CDH12: variants seen among roughly 807,000 people sequenced by gnomAD.
The protein encoded by CDH12 is cadherin-12.
In CDH12, 41 loss-of-function variants were observed where a neutral mutation model predicts 74.1. The observed-to-expected ratio is 0.55, with a 90% CI of 0.43 to 0.72. The LOEUF (loss-of-function observed/expected upper bound fraction) is 0.72, where lower values mean the gene tolerates loss of function less well. Among genes scored for constraint, CDH12 ranks in the 30% least tolerant of loss-of-function variants. The pLI is 0.00. For missense variants in CDH12, 945 were observed against 977.2 expected (o/e 0.97, Z 0.44); for synonymous variants, 399 against 355.0 (o/e 1.12, Z -1.39).
chr5:22,643,761 CCA>C (rs1739285573), intron 1 of CDH12, among the ~76,000 whole-genome samples: 1 of 58,450 alleles, frequency 1.7e-5, no homozygotes. Flanking sequence ...TTTTTTTTTT[CCA>C]CAAATTGATG....
intron 2 of CDH12, among the ~76,000 whole-genome samples, chr5:22,501,444 T>C (rs1312931411): frequency 6.6e-6 from 1 of 152,150 alleles, no homozygotes; most frequent in Non-Finnish European, 1.5e-5. Flanking sequence ...AACTCTTTCG[T>C]CTGAATTAAA....
rs148066183 is a variant in CDH12 at position 22,444,744 on chromosome 5, T to C, written c.-427-39393A>G. ...GAAACACATTACTGAAAATAAATTA[T>C]ATGGAGGAATATTTCAGATGATGAT... On this transcript the variant is annotated intron_variant, in intron 2 of 14. Coordinates refer to ENST00000382254, the MANE Select transcript of CDH12 (RefSeq NM_004061.5). Among the ~76,000 whole-genome samples the C allele has an allele frequency of 5.9e-5, 9 of 152,140 alleles. No homozygotes were observed. The East Asian group carries it at 1.5e-3, about 26-fold the overall frequency.
chr5:22,836,860 C>T (rs1736850264), intron 1 of CDH12, among the ~76,000 whole-genome samples: 2 of 152,170 alleles, frequency 1.3e-5, no homozygotes, highest in Non-Finnish European at 2.9e-5. Context: ...ATCCAGAACT[C>T]CTGCTTTCAT....
intron 1 of CDH12, among the ~76,000 whole-genome samples, chr5:22,707,453 A>C (rs1296303783): frequency 6.6e-6 from 1 of 152,128 alleles, no homozygotes. Context: ...ATGTCTACTG[A>C]CTTTCATCTA....
intron 2 of CDH12, among the ~76,000 whole-genome samples, chr5:22,446,049 G>C (rs1744803974): frequency 6.6e-6 from 1 of 152,014 alleles, no homozygotes; most frequent in Non-Finnish European, 1.5e-5. Context: ...TCTTAGTTTT[G>C]AGAAATGCTG....
In CDH12 at chr5:21,942,628, GTA is replaced by G. The variant is rs567512868; in HGVS notation, c.526+32461_526+32462del. ...TACACATGCAGAAATGTATATCTGTGTATGTGTGTGTGTTTATATATGAGTAT... is the reference window on the plus strand; with the variant it reads ...TACACATGCAGAAATGTATATCTGTGTGTGTGTGTGTTTATATATGAGTAT... On this transcript the variant is annotated intron_variant, in intron 6 of 14. Coordinates refer to ENST00000382254, the MANE Select transcript of CDH12 (RefSeq NM_004061.5). Among the ~76,000 whole-genome samples the G allele has an allele frequency of 5.3e-3, 808 of 151,908 alleles. 11 individuals are homozygous for G. The highest frequency in any genetic ancestry group is 0.016 in the African/African-American group (679 of 41,384).
At position 22,078,685 on chromosome 5, in the gene CDH12, G is replaced by T. The variant is rs201028667; in HGVS notation, c.-9C>A. The T allele has an allele frequency of 1.9e-5, 30 of 1,612,950 alleles. No individual in the cohort carries two copies. The highest frequency in any genetic ancestry group is 2.4e-5 in the Non-Finnish European group (28 of 1,179,324). On this transcript the variant is annotated 5_prime_UTR_variant, in exon 5 of 15. Transcript: ENST00000382254. ...CAGTTCCTTGTAAGCATTGGCAAAG[G>T]CTTTCCTACAGCAGAGTAATAAAAA... is the stretch of plus-strand genomic sequence containing the variant.
intron 1 of CDH12, among the ~76,000 whole-genome samples, chr5:22,649,562 T>C (rs1580850492): frequency 6.6e-6 from 1 of 152,016 alleles, no homozygotes; most frequent in Non-Finnish European, 1.5e-5. Context: ...AAACATAGGA[T>C]TTCAAAGATA....
intron 1 of CDH12, among the ~76,000 whole-genome samples, chr5:22,808,039 T>C (rs1417324408): frequency 6.6e-6 from 1 of 152,258 alleles, no homozygotes; most frequent in African/African-American, 2.4e-5. Context: ...ATGGGACCAC[T>C]GTCCTATATG....
chr5:21,878,360 C>T (rs1752046376), intron 6 of CDH12, among the ~76,000 whole-genome samples: 1 of 152,132 alleles, frequency 6.6e-6, no homozygotes, highest in African/African-American at 2.4e-5. Context: ...TATTATATTT[C>T]ATATGCCTTC....
chr5:21,921,588 G>A (rs763538810), intron 6 of CDH12, among the ~76,000 whole-genome samples: 12 of 152,120 alleles, frequency 7.9e-5, no homozygotes, highest in Non-Finnish European at 1.8e-4. Context: ...AGCAACTTCT[G>A]TGAGTCACAG....
At chr5:22,660,479 T>C (rs888949257) in intron 1 of CDH12, among the ~76,000 whole-genome samples, 3 of 152,212 alleles carry the variant, frequency 2.0e-5, no homozygotes, top group Non-Finnish European at 4.4e-5. Flanking sequence ...TTAGCTCCAC[T>C]ACATATTCAC....
At chr5:22,759,903 C>T (rs1472968261) in intron 1 of CDH12, among the ~76,000 whole-genome samples, 1 of 152,178 alleles carries the variant, frequency 6.6e-6, no homozygotes, top group African/African-American at 2.4e-5. Flanking sequence ...AGGCTGTCTA[C>T]TGGTAGAATT....
intron 3 of CDH12, among the ~76,000 whole-genome samples, chr5:22,340,730 T>A (rs962157397): frequency 4.6e-5 from 7 of 152,334 alleles, no homozygotes; most frequent in Admixed American, 2.6e-4. Context: ...AATCTTAGTC[T>A]TGTAAAGTTT....
intron 4 of CDH12, among the ~76,000 whole-genome samples, chr5:22,186,653 T>C (rs1749965834): frequency 6.6e-6 from 1 of 152,180 alleles, no homozygotes; most frequent in Non-Finnish European, 1.5e-5. Context: ...GTATTTTTAC[T>C]GGAGGCGGCT....
intron 1 of CDH12, among the ~76,000 whole-genome samples, chr5:22,714,189 GT>G (rs1445629140): frequency 1.3e-5 from 2 of 152,200 alleles, no homozygotes; most frequent in East Asian, 3.9e-4. Flanking sequence ...CTCCTCCCTA[GT>G]TTTTGTATTT....
At chr5:21,880,623 CTTTCTTTCTTTCTTTCTTTCTTTCT>C (rs1752266622) in intron 6 of CDH12, among the ~76,000 whole-genome samples, 1 of 58,752 alleles carries the variant, frequency 1.7e-5, no homozygotes, top group Non-Finnish European at 3.4e-5. Flanking sequence ...TTCCTTCTTT[CTTTCTTTCTTTCTTTCTTTCTTTCT>C]TTCTTTCTTT....
chr5:21,773,327 A>G (rs1745421889), intron 11 of CDH12, among the ~76,000 whole-genome samples: 1 of 152,076 alleles, frequency 6.6e-6, no homozygotes, highest in East Asian at 1.9e-4. Context: ...AGTGAACTGA[A>G]AGAGGCAGAC....
chr5:22,307,208 A>G (rs1738151262), intron 3 of CDH12, among the ~76,000 whole-genome samples: 1 of 152,232 alleles, frequency 6.6e-6, no homozygotes, highest in African/African-American at 2.4e-5. Flanking sequence ...CCCAAAGAGC[A>G]TGGCTCTGAA....
Sources: allele counts gnomAD v4.1 joint callset (sites outside exome capture counted in the v4.1 genomes callset), GRCh38; gene constraint gnomAD v4.1.1; transcripts MANE v1.5; gene names NCBI Gene and HGNC (gene_info 2026-07-23, HGNC 2026-07-21).